YTHDF2: variants seen among roughly 807,000 people sequenced by gnomAD.
YTHDF2 encodes YTH N6-methyladenosine RNA binding protein F2.
A neutral mutation model predicts 50.4 loss-of-function variants in YTHDF2; 2 were observed. The ratio of observed to expected loss-of-function variants is 0.04; its 90% CI spans 0.02 to 0.12. The LOEUF is 0.12. Among genes scored for constraint, YTHDF2 ranks in the 10% least tolerant of loss-of-function variants. The pLI, the probability that YTHDF2 is intolerant of heterozygous loss-of-function variation, is 1.00. For missense variants in YTHDF2, 483 were observed against 722.6 expected (o/e 0.67, Z 3.80); for synonymous variants, 217 against 255.6 (o/e 0.85, Z 1.44).
rs768963138 is a variant in YTHDF2, at chr1:28,743,621, G to A, written c.1351G>A (p.Gly451Arg). The change falls in exon 4 of 5, where the codon GGG (glycine) becomes AGG (arginine). Residue 451 changes from glycine (G) to arginine (R), a missense_variant. By Grantham distance (125) the Gly-to-Arg change is moderately radical. This residue lies in a region of YTHDF2 where 59 missense variants were observed against 168.9 expected (regional missense o/e 0.35). Coordinates refer to ENST00000373812, the MANE Select transcript of YTHDF2 (RefSeq NM_016258.3). This position sits in a 1 kb window ranked among gnomAD's most constrained non-coding sequence, Gnocchi z 6.9. The stretch of plus-strand genomic sequence containing the variant: ...GGATGCTGCTTATCGTTCCATGAAC[G>A]GGAAAGGCCCCGTTTACTTACTTTT... ...RLDAAYRSMN[G>R]KGPVYLLFSV... 2.4e-5 allele frequency: 38 copies of A among 1,614,042 alleles called. No homozygotes were observed. The highest frequency in any genetic ancestry group is 8.9e-5 in the East Asian group (4 of 44,896).
At chr1:28,738,425 A>T in intron 3 of YTHDF2, 87 bp downstream of exon 3, 1 of 1,182,792 alleles carries the variant, frequency 8.5e-7, no homozygotes. Flanking sequence ...TTTTCTGAGG[A>T]TTCATTTTTT....
chr1:28,752,008 TAAAG>T (rs905978007), intron 4 of YTHDF2, among the ~76,000 whole-genome samples: 4 of 152,326 alleles, frequency 2.6e-5, no homozygotes, highest in East Asian at 1.9e-4. Flanking sequence ...ATATTTCAGA[TAAAG>T]GAAGAGGCTC....
At position 28,743,946 on chromosome 1, in the gene YTHDF2, A is replaced by G. The variant is rs757370354; in HGVS notation, c.1676A>G (p.His559Arg). The part of the protein sequence containing the change: ...HTTSIFDDFS[H>R]YEKRQEEEES... ...ACTTCCATTTTTGATGACTTCTCACACTATGAGAAACGCCAAGAGGAAGAA... is the reference window on the plus strand; with the variant it reads ...ACTTCCATTTTTGATGACTTCTCACGCTATGAGAAACGCCAAGAGGAAGAA... The change falls in exon 4 of 5, where the codon CAC (histidine) becomes CGC (arginine). Residue 559 changes from histidine (H) to arginine (R), a missense_variant. Physicochemically the swap from His to Arg is conservative, Grantham distance 29. This residue lies in a region of YTHDF2 where 38 missense variants were observed against 60.1 expected (regional missense o/e 0.63). Coordinates refer to ENST00000373812, the MANE Select transcript of YTHDF2 (RefSeq NM_016258.3). This position sits in a 1 kb window ranked among gnomAD's most constrained non-coding sequence, Gnocchi z 6.9. 1 of 1,563,536 alleles carries G rather than the reference A, an allele frequency of 6.4e-7. No homozygotes were observed. Among genetic ancestry groups the G allele is most frequent in the Non-Finnish European group, 8.6e-7 (1 of 1,158,772 alleles).
chr1:28,748,128 A>C (rs2087893229), intron 4 of YTHDF2, among the ~76,000 whole-genome samples: 1 of 128,446 alleles, frequency 7.8e-6, no homozygotes, highest in South Asian at 2.2e-4. Context: ...ACTCCATCTC[A>C]AAAAAAAAAA....
chr1:28,744,570 A>C (rs1468859028), intron 4 of YTHDF2, among the ~76,000 whole-genome samples: 4 of 152,226 alleles, frequency 2.6e-5, no homozygotes, highest in Non-Finnish European at 5.9e-5. Context: ...AATTTGAAAG[A>C]GTTGGTAGCG....
At chr1:28,757,529 T>C (rs1215530266) in intron 4 of YTHDF2, among the ~76,000 whole-genome samples, 1 of 152,212 alleles carries the variant, frequency 6.6e-6, no homozygotes, top group Non-Finnish European at 1.5e-5. Flanking sequence ...CGATTTTGCC[T>C]ATATCACTTG....
At chr1:28,737,211 G>A (rs2087703738) in intron 1 of YTHDF2, 64 bp downstream of exon 1, 8 of 1,491,972 alleles carry the variant, frequency 5.4e-6, no homozygotes, top group African/African-American at 2.9e-5. Flanking sequence ...ACTAGGCCCG[G>A]GCCCGCCGCT....
intron 4 of YTHDF2, among the ~76,000 whole-genome samples, chr1:28,749,587 A>T (rs1000027443): frequency 2.0e-5 from 3 of 152,168 alleles, no homozygotes; most frequent in Non-Finnish European, 4.4e-5. Context: ...TAATTGGTTT[A>T]ATTTTTGTCT....
rs770769444 is a variant in YTHDF2 at position 28,742,901 on chromosome 1, G to A, written c.631G>A (p.Val211Ile). 1 of 1,614,164 alleles carries A rather than the reference G, an allele frequency of 6.2e-7. No homozygotes were observed. The highest frequency in any genetic ancestry group is 8.5e-7 in the Non-Finnish European group (1 of 1,180,030). ...SNVPKVVGSA[V>I]GSGSITSNIV... ...TGTTCCAAAAGTTGTAGGTTCTGCT[G>A]TTGGTAGCGGGTCCATTACTAGTAA... The change falls in exon 4 of 5, where the codon GTT becomes ATT. Residue 211 changes from valine (V) to isoleucine (I), a missense_variant. Transcript: ENST00000373812.
At chr1:28,746,435 T>C (rs951383963) in intron 4 of YTHDF2, among the ~76,000 whole-genome samples, 10 of 152,156 alleles carry the variant, frequency 6.6e-5, no homozygotes, top group East Asian at 5.8e-4. Flanking sequence ...TGAAGAAATA[T>C]GGGTTTAGAA....
intron 4 of YTHDF2, 70 bp downstream of exon 4, chr1:28,744,056 A>T: frequency 4.9e-6 from 7 of 1,431,802 alleles, no homozygotes; most frequent in Non-Finnish European, 4.6e-6. Flanking sequence ...GGTATTATAT[A>T]GTGAACCGTT....
chr1:28,737,954 T>G, intron 2 of YTHDF2: 1 of 575,554 alleles, frequency 1.7e-6, no homozygotes, highest in Non-Finnish European at 3.1e-6. Context: ...AAGGCCTTTG[T>G]TTTTCATCCT....
At chr1:28,757,855 C>A (rs997855752) in intron 4 of YTHDF2, among the ~76,000 whole-genome samples, 5 of 152,042 alleles carry the variant, frequency 3.3e-5, no homozygotes, top group African/African-American at 1.2e-4. Context: ...TTCATTTCAT[C>A]CTCTTTTTCT....
chr1:28,748,332 G>A (rs1387854077), intron 4 of YTHDF2, among the ~76,000 whole-genome samples: 1 of 152,164 alleles, frequency 6.6e-6, no homozygotes, highest in Non-Finnish European at 1.5e-5. Flanking sequence ...TGAGAATGGG[G>A]CTCATAGCTC....
At chr1:28,737,872 A>C in intron 2 of YTHDF2, 190 bp downstream of exon 2, 1 of 594,640 alleles carries the variant, frequency 1.7e-6, no homozygotes, top group East Asian at 3.1e-5. Flanking sequence ...GCTAACAAGG[A>C]GTAATTCATT....
chr1:28,767,468 T>C (rs1256738823), intron 4 of YTHDF2, among the ~76,000 whole-genome samples: 1 of 152,086 alleles, frequency 6.6e-6, no homozygotes, highest in Non-Finnish European at 1.5e-5. Flanking sequence ...CATTAAGAGA[T>C]AATAGGTGGA....
chr1:28,737,650 C>T lies in YTHDF2; in HGVS notation c.28-8C>T, dbSNP rs200897673. Reference sequence around the variant, plus strand: ...CTTGCTGCTCGGCGACGTTTCCTTCCCCTGCAGAGACCAAAAGGTCAAGGA... The same window carrying T: ...CTTGCTGCTCGGCGACGTTTCCTTCTCCTGCAGAGACCAAAAGGTCAAGGA... On this transcript the variant is annotated splice_polypyrimidine_tract_variant and splice_region_variant and intron_variant, in intron 1 of 4. Transcript: ENST00000373812. 362 of 1,613,988 alleles carry T rather than the reference C, an allele frequency of 2.2e-4. 4 individuals are homozygous for T. The East Asian group carries it at 7.6e-3, about 34-fold the overall frequency.
intron 4 of YTHDF2, among the ~76,000 whole-genome samples, chr1:28,754,462 G>T (rs374898183): frequency 6.6e-6 from 1 of 152,236 alleles, no homozygotes; most frequent in East Asian, 1.9e-4. Context: ...CACTGGAGGC[G>T]GAGTTTGCAG....
At chr1:28,767,053 G>A (rs932157265) in intron 4 of YTHDF2, among the ~76,000 whole-genome samples, 1 of 149,870 alleles carries the variant, frequency 6.7e-6, no homozygotes, top group African/African-American at 2.5e-5. Context: ...TGTTGGCCAG[G>A]CTGGTCTTGA....
Sources: allele counts gnomAD v4.1 joint callset (sites outside exome capture counted in the v4.1 genomes callset), GRCh38; gene constraint gnomAD v4.1.1; regional missense constraint gnomAD v4.1.1; non-coding constraint Gnocchi (gnomAD v3.1); transcripts MANE v1.5; gene names NCBI Gene and HGNC (gene_info 2026-07-23, HGNC 2026-07-21).